The following CPA6 variants were observed in gnomAD, a reference collection of about 807,000 sequenced individuals.
The protein encoded by CPA6 is carboxypeptidase B.
In CPA6, 58 loss-of-function variants were observed where a neutral mutation model predicts 63.3. The observed-to-expected ratio is 0.92, with a 90% confidence interval of 0.74 to 1.14. The LOEUF is 1.14. Ranked by LOEUF, CPA6 falls within the 50% of genes most tolerant of loss-of-function variation. The pLI, the probability that CPA6 is intolerant of heterozygous loss-of-function variation, is 0.00. For missense variants in CPA6, 565 were observed against 526.6 expected (o/e 1.07, Z -0.71); for synonymous variants, 185 against 179.0 (o/e 1.03, Z -0.27).
intron 9 of CPA6, chr8:67,429,586 C>A (rs959769326): frequency 1.3e-5 from 2 of 152,156 alleles, no homozygotes; most frequent in Non-Finnish European, 2.9e-5. Context: ...TACTATTGAT[C>A]TCACTGACGA....
At chr8:67,620,746 C>A (rs1193164413) in intron 2 of CPA6, among the ~76,000 whole-genome samples, 2 of 152,106 alleles carry the variant, frequency 1.3e-5, no homozygotes, top group Non-Finnish European at 2.9e-5. Flanking sequence ...AGAAATTTAT[C>A]GAAACTCAAT....
At chr8:67,643,696 TG>T (rs1265005377) in intron 1 of CPA6, among the ~76,000 whole-genome samples, 1 of 152,218 alleles carries the variant, frequency 6.6e-6, no homozygotes, top group African/African-American at 2.4e-5. Flanking sequence ...AGCTGAGTGG[TG>T]GACATATAGG....
chr8:67,627,816 T>C (rs544656480), intron 1 of CPA6, among the ~76,000 whole-genome samples: 3 of 152,330 alleles, frequency 2.0e-5, no homozygotes, highest in Non-Finnish European at 1.5e-5. Flanking sequence ...GTTGTGAGTT[T>C]GACTAATAAT....
intron 1 of CPA6, among the ~76,000 whole-genome samples, chr8:67,731,939 T>C (rs1338902089): frequency 1.3e-5 from 2 of 152,158 alleles, no homozygotes; most frequent in Non-Finnish European, 2.9e-5. Context: ...CCTTAGAGGA[T>C]AAAGCAGCAA....
chr8:67,689,403 C>T (rs1443648012), intron 1 of CPA6, among the ~76,000 whole-genome samples: 1 of 152,128 alleles, frequency 6.6e-6, no homozygotes, highest in East Asian at 1.9e-4. Flanking sequence ...CAGTGCCCAA[C>T]AGGTAGCTTT....
At chr8:67,478,540 T>C (rs1811291769) in intron 8 of CPA6, among the ~76,000 whole-genome samples, 1 of 152,162 alleles carries the variant, frequency 6.6e-6, no homozygotes, top group South Asian at 2.1e-4. Flanking sequence ...TCACTTTAGG[T>C]AGATAGAGTC....
At chr8:67,573,285 A>G (rs1171752934) in intron 2 of CPA6, among the ~76,000 whole-genome samples, 2 of 152,224 alleles carry the variant, frequency 1.3e-5, no homozygotes, top group African/African-American at 4.8e-5. Context: ...CACTTGGTCA[A>G]GAGAAAGAAA....
intron 6 of CPA6, among the ~76,000 whole-genome samples, chr8:67,494,950 C>T (rs950807623): frequency 6.6e-6 from 1 of 152,170 alleles, no homozygotes; most frequent in African/African-American, 2.4e-5. Flanking sequence ...GATCTTTCAC[C>T]TCTTATCAAA....
intron 3 of CPA6, among the ~76,000 whole-genome samples, chr8:67,517,622 T>C (rs1211600610): frequency 6.6e-6 from 1 of 152,222 alleles, no homozygotes; most frequent in Non-Finnish European, 1.5e-5. Flanking sequence ...CACTCCTGCC[T>C]TCTCATCCAC....
intron 1 of CPA6, among the ~76,000 whole-genome samples, chr8:67,699,970 T>C (rs895322519): frequency 5.3e-5 from 8 of 152,220 alleles, no homozygotes; most frequent in African/African-American, 1.7e-4. Flanking sequence ...TCTGTATGCA[T>C]TTCCACTTGG....
At chr8:67,466,046 G>A (rs1441362883) in intron 8 of CPA6, among the ~76,000 whole-genome samples, 1 of 150,304 alleles carries the variant, frequency 6.7e-6, no homozygotes, top group Non-Finnish European at 1.5e-5. Flanking sequence ...CTCTTCTTCT[G>A]GCAGAATGTA....
At chr8:67,471,852 A>G (rs1325882670) in intron 8 of CPA6, among the ~76,000 whole-genome samples, 2 of 152,218 alleles carry the variant, frequency 1.3e-5, no homozygotes, top group Non-Finnish European at 2.9e-5. Context: ...AAAATATTTA[A>G]TAACATTAGT....
chr8:67,423,605 A>G (rs988092503), intron 10 of CPA6, among the ~76,000 whole-genome samples: 31 of 152,050 alleles, frequency 2.0e-4, no homozygotes, highest in African/African-American at 7.5e-4. Flanking sequence ...CTCATCCTCA[A>G]CCCCTGGCCC....
chr8:67,622,754 A>G (rs1157396369), intron 2 of CPA6, among the ~76,000 whole-genome samples: 1 of 152,218 alleles, frequency 6.6e-6, no homozygotes, highest in East Asian at 1.9e-4. Context: ...ACACTCCTTC[A>G]GGTAGGACTG....
intron 2 of CPA6, among the ~76,000 whole-genome samples, chr8:67,605,211 A>T (rs138689908): frequency 3.4e-4 from 52 of 152,150 alleles, no homozygotes; most frequent in African/African-American, 1.2e-3. Context: ...CCAATGCCCA[A>T]CATAGAGTAT....
At chr8:67,601,411 A>G (rs1278401555) in intron 2 of CPA6, among the ~76,000 whole-genome samples, 1 of 152,182 alleles carries the variant, frequency 6.6e-6, no homozygotes, top group Admixed American at 6.5e-5. Flanking sequence ...CTTTGACAGC[A>G]CTGGAAACAT....
chr8:67,614,953 C>T (rs761866055), intron 2 of CPA6, among the ~76,000 whole-genome samples: 5 of 152,212 alleles, frequency 3.3e-5, no homozygotes, highest in Non-Finnish European at 7.3e-5. Context: ...ATGCTAACTG[C>T]TTTCCCTATT....
At chr8:67,454,730 C>G (rs903815349) in intron 8 of CPA6, among the ~76,000 whole-genome samples, 36 of 152,150 alleles carry the variant, frequency 2.4e-4, no homozygotes, top group African/African-American at 8.4e-4. Context: ...GAAATTTAGT[C>G]TTGTCTAATG....
chr8:67,616,501 A>ATG (rs4009134), intron 2 of CPA6, among the ~76,000 whole-genome samples: 15,495 of 126,748 alleles, frequency 0.12, 915 homozygotes, highest in East Asian at 0.15. Context: ...GGCAAATTGA[A>ATG]TGTGTGTGTG....
Sources: allele counts gnomAD v4.1 joint callset (sites outside exome capture counted in the v4.1 genomes callset), GRCh38; gene constraint gnomAD v4.1.1; transcripts MANE v1.5; gene names NCBI Gene and HGNC (gene_info 2026-07-23, HGNC 2026-07-21).